RAPGEF6: variants seen among roughly 807,000 people sequenced by gnomAD.
RAPGEF6 encodes the protein Rap guanine nucleotide exchange factor 6, also known as PDZ domain containing guanine nucleotide exchange factor (GEF) 2.
RAPGEF6 carries 56 observed loss-of-function variants against 171.4 expected under a neutral mutation model. The ratio of observed to expected loss-of-function variants is 0.33; its 90% CI spans 0.26 to 0.41. The LOEUF is 0.41. Among genes scored for constraint, RAPGEF6 ranks in the 10% least tolerant of loss-of-function variants. The pLI is 1.00. For synonymous variants in RAPGEF6, 692 were observed against 650.1 expected, an observed-to-expected ratio of 1.06 and a Z score of -0.98; for missense variants, 1,674 against 1,921.4, an observed-to-expected ratio of 0.87 and a Z score of 2.41.
chr5:131,428,749 A>C (rs1472922943), intron 27 of RAPGEF6, among the ~76,000 whole-genome samples, 153 bp downstream of exon 27: 2 of 152,186 alleles, frequency 1.3e-5, no homozygotes, highest in Non-Finnish European at 2.9e-5. Flanking sequence ...GGTGTGAGCC[A>C]CTGCACCCTG....
At chr5:131,600,974 G>T (rs1260365198) in intron 3 of RAPGEF6, among the ~76,000 whole-genome samples, 1 of 151,784 alleles carries the variant, frequency 6.6e-6, no homozygotes, top group Non-Finnish European at 1.5e-5. Context: ...AGAGCAAAAA[G>T]AGCTGGGTGT....
intron 7 of RAPGEF6, among the ~76,000 whole-genome samples, chr5:131,517,199 C>T (rs940622080): frequency 6.6e-6 from 1 of 152,024 alleles, no homozygotes. Flanking sequence ...TCATTCGAAC[C>T]CCAAACACTC....
At chr5:131,538,490 A>C (rs759569105) in intron 6 of RAPGEF6, among the ~76,000 whole-genome samples, 1 of 152,218 alleles carries the variant, frequency 6.6e-6, no homozygotes, top group Non-Finnish European at 1.5e-5. Flanking sequence ...CAGGCAGCAA[A>C]ATCTGATGTC....
intron 4 of RAPGEF6, 128 bp downstream of exon 4, chr5:131,592,255 A>T: frequency 7.0e-7 from 1 of 1,419,784 alleles, no homozygotes; most frequent in Non-Finnish European, 9.4e-7. Flanking sequence ...GATTCCTGCC[A>T]AGTATTTCCA....
In RAPGEF6 at chr5:131,443,311, C is replaced by G. The variant is rs147235099; in HGVS notation, c.3422-774G>C. On this transcript the variant is annotated intron_variant, in intron 22 of 27. Transcript: ENST00000509018. ...CAGGCTGGTCTCGAACTCTTGACCT[C>G]AGGTGATCCACATGCCCCAGCTACC... 4.2e-3 allele frequency among the ~76,000 whole-genome samples: 633 copies of G among 152,246 alleles called. 8 individuals are homozygous for G. Among genetic ancestry groups the G allele is most frequent in the African/African-American group, 0.015 (613 of 41,532 alleles).
intron 9 of RAPGEF6, among the ~76,000 whole-genome samples, chr5:131,506,025 A>T (rs897141436): frequency 2.6e-5 from 4 of 152,264 alleles, no homozygotes; most frequent in Admixed American, 6.5e-5. Flanking sequence ...TTATTTCAGA[A>T]AGACTAGTTA....
chr5:131,470,779 T>A (rs1396957381), intron 17 of RAPGEF6, among the ~76,000 whole-genome samples: 2 of 152,124 alleles, frequency 1.3e-5, no homozygotes, highest in African/African-American at 4.8e-5. Context: ...GAGGTAACAC[T>A]GGAGTTCAGC....
At chr5:131,512,184 C>T (rs1757778469) in intron 7 of RAPGEF6, among the ~76,000 whole-genome samples, 1 of 152,094 alleles carries the variant, frequency 6.6e-6, no homozygotes, top group African/African-American at 2.4e-5. Context: ...CTGCAAAGAG[C>T]ATTTGTGACA....
chr5:131,547,462 T>A (rs552382713), intron 6 of RAPGEF6, among the ~76,000 whole-genome samples: 4 of 151,598 alleles, frequency 2.6e-5, no homozygotes, highest in Admixed American at 2.6e-4. Context: ...CTTTTCAGTC[T>A]AAAAAGAAGC....
chr5:131,493,362 C>A (rs1387454447), intron 13 of RAPGEF6, among the ~76,000 whole-genome samples: 3 of 152,182 alleles, frequency 2.0e-5, no homozygotes, highest in African/African-American at 7.2e-5. Context: ...CCGCGCCCGA[C>A]CTACTTATCA....
At chr5:131,564,597 A>G (rs1010791208) in intron 4 of RAPGEF6, among the ~76,000 whole-genome samples, 126 of 152,344 alleles carry the variant, frequency 8.3e-4, no homozygotes, top group African/African-American at 2.8e-3. Flanking sequence ...TCATGATGAC[A>G]TCAATAAAGA....
intron 4 of RAPGEF6, among the ~76,000 whole-genome samples, chr5:131,577,271 C>T (rs1580608916): frequency 6.6e-6 from 1 of 152,324 alleles, no homozygotes; most frequent in African/African-American, 2.4e-5. Flanking sequence ...CCCCTACCAT[C>T]CTAAATCTTC....
At chr5:131,498,810 A>G (rs1353200735) in intron 11 of RAPGEF6, among the ~76,000 whole-genome samples, 2 of 152,208 alleles carry the variant, frequency 1.3e-5, no homozygotes, top group African/African-American at 4.8e-5. Flanking sequence ...GAGACAGAAA[A>G]GGCAGAGAAA....
At chr5:131,540,255 A>G (rs1470165133) in intron 6 of RAPGEF6, among the ~76,000 whole-genome samples, 1 of 152,244 alleles carries the variant, frequency 6.6e-6, no homozygotes, top group East Asian at 1.9e-4. Context: ...ACACTCATAC[A>G]GGCACACTGC....
At chr5:131,532,512 C>G (rs1165227786) in intron 6 of RAPGEF6, among the ~76,000 whole-genome samples, 2 of 152,146 alleles carry the variant, frequency 1.3e-5, no homozygotes, top group African/African-American at 4.8e-5. Flanking sequence ...AATCTGTGTT[C>G]CTGGATTCCG....
intron 17 of RAPGEF6, among the ~76,000 whole-genome samples, chr5:131,470,035 G>C (rs1174386230): frequency 6.6e-6 from 1 of 151,906 alleles, no homozygotes; most frequent in Non-Finnish European, 1.5e-5. Context: ...AAATTTTTGT[G>C]TTGTATAAAT....
At position 131,582,729 on chromosome 5, in the gene RAPGEF6, T is replaced by C. The variant is rs78241795; in HGVS notation, c.281+9654A>G. 5.0e-3 allele frequency among the ~76,000 whole-genome samples: 767 copies of C among 152,326 alleles called. 4 individuals are homozygous for C. Among genetic ancestry groups the C allele is most frequent in the Non-Finnish European group, 8.5e-3 (579 of 68,016 alleles). The stretch of plus-strand genomic sequence containing the variant: ...ACTTACATATAGCATACAAGAACTT[T>C]TGAAGCACATACAGAACTTTTGAAG... On this transcript the variant is annotated intron_variant, in intron 4 of 27. Coordinates refer to ENST00000509018, the MANE Select transcript of RAPGEF6 (RefSeq NM_016340.6).
chr5:131,539,328 C>G (rs1352331705), intron 6 of RAPGEF6, among the ~76,000 whole-genome samples: 3 of 152,222 alleles, frequency 2.0e-5, no homozygotes, highest in Admixed American at 2.0e-4. Context: ...TGTTAACAAG[C>G]TTCTTCATCA....
chr5:131,546,391 G>T (rs920169891), intron 6 of RAPGEF6, among the ~76,000 whole-genome samples: 2 of 151,972 alleles, frequency 1.3e-5, no homozygotes, highest in African/African-American at 4.8e-5. Context: ...AGATCACAAG[G>T]CAGGAGATCG....
Sources: allele counts gnomAD v4.1 joint callset (sites outside exome capture counted in the v4.1 genomes callset), GRCh38; gene constraint gnomAD v4.1.1; transcripts MANE v1.5; gene names NCBI Gene and HGNC (gene_info 2026-07-23, HGNC 2026-07-21).